Variants in DCC observed in about 807,000 individuals in gnomAD.
DCC encodes the protein netrin receptor DCC.
A neutral mutation model predicts 172.5 loss-of-function variants in DCC; 58 were observed. The ratio of observed to expected loss-of-function variants is 0.34; its 90% CI spans 0.27 to 0.42. The LOEUF is 0.42. Among genes scored for constraint, DCC ranks in the 10% least tolerant of loss-of-function variants. The pLI is 1.00. For missense variants in DCC, 1,740 were observed against 1,791.0 expected (o/e 0.97, Z 0.51); for synonymous variants, 709 against 644.5 (o/e 1.10, Z -1.52).
At chr18:52,840,578 T>G (rs1047646656) in intron 2 of DCC, among the ~76,000 whole-genome samples, 23 of 152,174 alleles carry the variant, frequency 1.5e-4, no homozygotes, top group African/African-American at 5.5e-4. Context: ...CTAACGAAAC[T>G]GTCCCAGTAT....
chr18:53,274,197 C>A (rs1454378086), intron 12 of DCC, among the ~76,000 whole-genome samples: 1 of 151,784 alleles, frequency 6.6e-6, no homozygotes, highest in African/African-American at 2.4e-5. Context: ...TAACTTAAAC[C>A]CTCTTTATAT....
chr18:53,395,085 G>A (rs997861612), intron 17 of DCC, among the ~76,000 whole-genome samples: 2 of 150,688 alleles, frequency 1.3e-5, no homozygotes, highest in African/African-American at 4.9e-5. Context: ...GAGAGGCTGA[G>A]GTTGCAGCGA....
rs1277191908 is a variant in DCC, at chr18:52,775,098, T to G, written c.412+22724T>G. 2.6e-5 allele frequency among the ~76,000 whole-genome samples: 4 copies of G among 152,078 alleles called. No individual in the cohort carries two copies. In the East Asian group the frequency reaches 7.8e-4, roughly 29 times the overall value. ...TTGGAGGAAAGGCAGACCTGACAGT[T>G]TCCCTTCGTCCACGCTCACCTTCCA... On this transcript the variant is annotated intron_variant, in intron 2 of 28. Coordinates refer to ENST00000442544, the MANE Select transcript of DCC (RefSeq NM_005215.4).
intron 4 of DCC, 86 bp downstream of exon 4, chr18:52,923,943 C>CCT: frequency 1.1e-6 from 1 of 950,576 alleles, no homozygotes; most frequent in Non-Finnish European, 1.7e-6. Flanking sequence ...GATATAAGTA[C>CCT]CTACAGTACT....
intron 21 of DCC, among the ~76,000 whole-genome samples, chr18:53,422,792 T>G (rs937858657): frequency 6.6e-6 from 1 of 152,160 alleles, no homozygotes; most frequent in African/African-American, 2.4e-5. Context: ...ATGGAAACCT[T>G]TAGTGCCTTC....
At chr18:52,692,299 A>G (rs550672524) in intron 1 of DCC, among the ~76,000 whole-genome samples, 63 of 152,304 alleles carry the variant, frequency 4.1e-4, no homozygotes, top group South Asian at 2.7e-3. Context: ...ACAAATTGCT[A>G]CAAATCAAAC....
Position 53,090,732 on chromosome 18 carries a change from A to AAAAAAAAAAAAAAAAAAAAAAAAAT in DCC, c.1261+24568_1261+24569insAAAAAAAAAAAAAAAAAAAAAATAA, listed in dbSNP as rs1568298492. The stretch of plus-strand genomic sequence containing the variant: ...AAAAAAAAAAAAAAAAAAAAAAAAA[A>AAAAAAAAAAAAAAAAAAAAAAAAAT]AAGAATGTATCGTGTTTCTTGATGC... On this transcript the variant is annotated intron_variant, in intron 7 of 28. Transcript: ENST00000442544. Among the ~76,000 whole-genome samples the AAAAAAAAAAAAAAAAAAAAAAAAAT allele has an allele frequency of 7.0e-5, 9 of 129,078 alleles. 1 individual carries two copies. Among genetic ancestry groups the AAAAAAAAAAAAAAAAAAAAAAAAAT allele is most frequent in the Non-Finnish European group, 1.0e-4 (6 of 59,926 alleles). The allele number at this position is 129,078 out of a possible 152,430, so 84.7% of individuals were successfully genotyped here.
chr18:52,371,266 A>G (rs1020819655), intron 1 of DCC, among the ~76,000 whole-genome samples: 29 of 152,210 alleles, frequency 1.9e-4, no homozygotes, highest in Admixed American at 1.6e-3. Flanking sequence ...AAATTTGTCT[A>G]TGTTTGTGTA....
chr18:52,724,840 T>G (rs186200270), intron 1 of DCC, among the ~76,000 whole-genome samples: 1 of 152,256 alleles, frequency 6.6e-6, no homozygotes, highest in East Asian at 1.9e-4. Flanking sequence ...ACACAATTCC[T>G]TCCCCTAGAC....
chr18:53,100,053 T>A (rs994554212), intron 7 of DCC, among the ~76,000 whole-genome samples: 1 of 149,964 alleles, frequency 6.7e-6, no homozygotes, highest in African/African-American at 2.5e-5. Context: ...TTCCAGCAAT[T>A]CTCCTGCATC....
chr18:53,132,695 G>A (rs776339932), intron 7 of DCC, among the ~76,000 whole-genome samples: 1 of 152,154 alleles, frequency 6.6e-6, no homozygotes. Flanking sequence ...GGACCTGAAA[G>A]GGTGTGCACC....
At chr18:53,476,074 G>T (rs1156781523) in intron 25 of DCC, among the ~76,000 whole-genome samples, 2 of 152,126 alleles carry the variant, frequency 1.3e-5, no homozygotes, top group Admixed American at 6.5e-5. Flanking sequence ...CTTTGTTTTG[G>T]TTAATTTATC....
At chr18:53,295,849 G>C (rs1239946184) in intron 12 of DCC, among the ~76,000 whole-genome samples, 1 of 152,088 alleles carries the variant, frequency 6.6e-6, no homozygotes, top group African/African-American at 2.4e-5. Flanking sequence ...TTGATGACTT[G>C]TCCTCCTTTG....
intron 2 of DCC, among the ~76,000 whole-genome samples, chr18:52,893,425 C>T (rs970251331): frequency 5.9e-5 from 9 of 152,072 alleles, no homozygotes; most frequent in African/African-American, 1.4e-4. Flanking sequence ...GGTTAATAGA[C>T]GGTCAGATAG....
At chr18:52,897,845 A>G (rs2039753506) in intron 2 of DCC, among the ~76,000 whole-genome samples, 1 of 146,202 alleles carries the variant, frequency 6.8e-6, no homozygotes, top group Non-Finnish European at 1.5e-5. Context: ...TGAAGCAAAA[A>G]TAAAAAGGAG....
At chr18:53,275,915 TAACA>T (rs761129421) in intron 12 of DCC, among the ~76,000 whole-genome samples, 46 of 152,090 alleles carry the variant, frequency 3.0e-4, no homozygotes, top group Non-Finnish European at 3.1e-4. Flanking sequence ...CAGGATTTTT[TAACA>T]AACAGTTATT....
intron 1 of DCC, among the ~76,000 whole-genome samples, chr18:52,449,027 G>T (rs1387772132): frequency 6.6e-6 from 1 of 152,228 alleles, no homozygotes; most frequent in East Asian, 1.9e-4. Context: ...TGGATTTACA[G>T]TTCCACCTGG....
chr18:53,028,319 G>A (rs546153866), intron 5 of DCC, among the ~76,000 whole-genome samples: 1 of 151,962 alleles, frequency 6.6e-6, no homozygotes, highest in Non-Finnish European at 1.5e-5. Context: ...AATTTGTCTT[G>A]CATTAAAAAT....
At chr18:53,384,666 C>G (rs541040861) in intron 15 of DCC, among the ~76,000 whole-genome samples, 3 of 152,042 alleles carry the variant, frequency 2.0e-5, no homozygotes, top group African/African-American at 7.2e-5. Context: ...GTTACTTTTT[C>G]ATATCTGGCA....
Sources: gnomAD v4.1 joint callset for allele counts (sites outside exome capture counted in the v4.1 genomes callset) on GRCh38, gnomAD v4.1.1 for gene constraint, MANE v1.5 for transcripts, NCBI Gene and HGNC (gene_info 2026-07-23, HGNC 2026-07-21) for gene names.